Variants in UBE2U observed in about 807,000 individuals in gnomAD.
The protein encoded by UBE2U is ubiquitin conjugating enzyme E2 U.
UBE2U carries 39 observed loss-of-function variants against 41.2 expected under a neutral mutation model. That is an observed-to-expected ratio of 0.95 (90% CI 0.73 to 1.24). UBE2U has a LOEUF of 1.24. Ranked by LOEUF, UBE2U falls within the 50% of genes most tolerant of loss-of-function variation. The pLI is 0.00. For synonymous variants in UBE2U, 107 were observed against 117.8 expected (o/e 0.91, Z 0.60); for missense variants, 336 against 363.1 (o/e 0.93, Z 0.61).
At chr1:64,222,401 T>C (rs1329725470) in intron 6 of UBE2U, among the ~76,000 whole-genome samples, 2 of 152,230 alleles carry the variant, frequency 1.3e-5, no homozygotes, top group Non-Finnish European at 2.9e-5. Flanking sequence ...TGTTTACTAA[T>C]AAGGCAGTAA....
chr1:64,215,126 G>A (rs987549936), intron 5 of UBE2U, among the ~76,000 whole-genome samples, 194 bp downstream of exon 5: 24 of 152,114 alleles, frequency 1.6e-4, no homozygotes, highest in Non-Finnish European at 3.4e-4. Flanking sequence ...ACCTACTCGG[G>A]AGCCTGAGGC....
intron 8 of UBE2U, among the ~76,000 whole-genome samples, chr1:64,254,793 A>G (rs1253189505): frequency 1.3e-5 from 2 of 152,178 alleles, no homozygotes; most frequent in Non-Finnish European, 2.9e-5. Flanking sequence ...AGGGAAATTT[A>G]TAGCACTAAA....
rs147730688 is a variant in UBE2U at position 64,252,522 on chromosome 1, T to G, written c.678-8081T>G. Among the ~76,000 whole-genome samples, 468 of 152,248 alleles carry G rather than the reference T, an allele frequency of 3.1e-3. 1 individual carries two copies. Among genetic ancestry groups the G allele is most frequent in the Non-Finnish European group, 3.5e-3 (236 of 68,020 alleles). ...TGGGACAGCAATAGGTCAGTATCCC[T>G]CTAGGATGGAGCTTCCAGAGAAAGG... On this transcript the variant is annotated intron_variant, in intron 8 of 9. Transcript: ENST00000371077.
At chr1:64,233,535 G>A (rs1309296762) in intron 7 of UBE2U, among the ~76,000 whole-genome samples, 1 of 152,182 alleles carries the variant, frequency 6.6e-6, no homozygotes, top group Admixed American at 6.5e-5. Context: ...CTTTACCCCA[G>A]AGAAAAGCTT....
chr1:64,247,452 G>GA (rs1299760101), intron 8 of UBE2U, among the ~76,000 whole-genome samples: 3 of 152,166 alleles, frequency 2.0e-5, no homozygotes, highest in African/African-American at 7.2e-5. Flanking sequence ...AGGTGTTTGG[G>GA]TCATGGGGGC....
At chr1:64,227,549 C>A (rs996786519) in intron 6 of UBE2U, among the ~76,000 whole-genome samples, 3 of 152,126 alleles carry the variant, frequency 2.0e-5, no homozygotes, top group Non-Finnish European at 4.4e-5. Flanking sequence ...TGCCTGTAAT[C>A]CCACCACTTT....
chr1:64,246,384 G>T (rs745954727), intron 8 of UBE2U, among the ~76,000 whole-genome samples: 1 of 152,144 alleles, frequency 6.6e-6, no homozygotes, highest in Non-Finnish European at 1.5e-5. Flanking sequence ...ATGCTGAGTA[G>T]ATTCTTTTAA....
intron 9 of UBE2U, among the ~76,000 whole-genome samples, chr1:64,264,679 G>A (rs551160972): frequency 1.3e-5 from 2 of 152,232 alleles, no homozygotes; most frequent in East Asian, 1.9e-4. Flanking sequence ...GGGGCGGGGC[G>A]CAGTGGCTCA....
chr1:64,206,725 C>A, intron 2 of UBE2U, 39 bp from the exon 3 acceptor site: 1 of 1,248,062 alleles, frequency 8.0e-7, no homozygotes, highest in Non-Finnish European at 1.2e-6. Flanking sequence ...AATCAATAAA[C>A]ATGACACTTT....
At chr1:64,219,166 G>A (rs188816415) in intron 5 of UBE2U, among the ~76,000 whole-genome samples, 11 of 152,234 alleles carry the variant, frequency 7.2e-5, no homozygotes, top group Non-Finnish European at 1.3e-4. Flanking sequence ...ATGTAATTAC[G>A]TTACTGTCAT....
At chr1:64,244,068 TC>T (rs1180913618) in intron 8 of UBE2U, 1 of 1,152,314 alleles carries the variant, frequency 8.7e-7, no homozygotes, top group African/African-American at 1.5e-5. Context: ...TGGCAAGCAC[TC>T]ATAAAGTTCG....
chr1:64,253,650 A>G (rs1645046641), intron 8 of UBE2U, among the ~76,000 whole-genome samples: 1 of 152,198 alleles, frequency 6.6e-6, no homozygotes, highest in African/African-American at 2.4e-5. Flanking sequence ...AGAATTTCAT[A>G]TCTGCCTAAA....
intron 8 of UBE2U, 84 bp downstream of exon 8, chr1:64,241,817 C>A (rs1227950081): frequency 7.1e-6 from 7 of 990,314 alleles, no homozygotes; most frequent in Non-Finnish European, 9.1e-6. Flanking sequence ...TTGGAAATAA[C>A]AGAAGAAACC....
chr1:64,257,248 G>A (rs926912386), intron 8 of UBE2U, among the ~76,000 whole-genome samples: 2 of 152,056 alleles, frequency 1.3e-5, no homozygotes, highest in Non-Finnish European at 2.9e-5. Flanking sequence ...TGACTCAGCA[G>A]TTCAAATCCT....
At chr1:64,263,550 T>C (rs1223411653) in intron 9 of UBE2U, among the ~76,000 whole-genome samples, 2 of 152,218 alleles carry the variant, frequency 1.3e-5, no homozygotes, top group South Asian at 2.1e-4. Context: ...CAAATACTTA[T>C]TGCTGTATGT....
intron 3 of UBE2U, among the ~76,000 whole-genome samples, chr1:64,209,260 AAAG>A (rs1204659921): frequency 6.6e-6 from 1 of 152,162 alleles, no homozygotes; most frequent in African/African-American, 2.4e-5. Flanking sequence ...CCACTTCCAT[AAAG>A]TAGAGGGAAC....
chr1:64,227,863 C>G (rs1420046337), intron 6 of UBE2U, among the ~76,000 whole-genome samples: 2 of 151,676 alleles, frequency 1.3e-5, no homozygotes, highest in Non-Finnish European at 2.9e-5. Context: ...TGTAATGAAA[C>G]ATGTACAAGA....
chr1:64,219,478 A>T (rs768567572), intron 5 of UBE2U, among the ~76,000 whole-genome samples: 2 of 152,066 alleles, frequency 1.3e-5, no homozygotes, highest in Non-Finnish European at 2.9e-5. Flanking sequence ...AGTTCTGGAA[A>T]ACTTTCTTAT....
At chr1:64,230,299 T>C (rs1644534855) in intron 6 of UBE2U, among the ~76,000 whole-genome samples, 1 of 152,212 alleles carries the variant, frequency 6.6e-6, no homozygotes, top group African/African-American at 2.4e-5. Flanking sequence ...TGCTCCAACA[T>C]GGATTTCATA....
Sources: gnomAD v4.1 joint callset for allele counts (sites outside exome capture counted in the v4.1 genomes callset) on GRCh38, gnomAD v4.1.1 for gene constraint, MANE v1.5 for transcripts, NCBI Gene and HGNC (gene_info 2026-07-23, HGNC 2026-07-21) for gene names.